ZNF407: variants seen among roughly 807,000 people sequenced by gnomAD.
ZNF407 encodes zinc finger protein 407.
In ZNF407, 17 loss-of-function variants were observed where a neutral mutation model predicts 131.2. The observed-to-expected ratio is 0.13, with a 90% confidence interval of 0.09 to 0.19. ZNF407 has a LOEUF of 0.19. Ranked by LOEUF, ZNF407 falls within the 10% of genes least tolerant of loss-of-function variation. The pLI is 1.00. For missense variants in ZNF407, 2,681 were observed against 2,830.6 expected (o/e 0.95, Z 1.20); for synonymous variants, 1,156 against 1,062.0 (o/e 1.09, Z -1.72).
chr18:74,749,717 ATG>A (rs1968754877), intron 3 of ZNF407, among the ~76,000 whole-genome samples: 1 of 152,212 alleles, frequency 6.6e-6, no homozygotes, highest in Non-Finnish European at 1.5e-5. Flanking sequence ...AAAATAATAT[ATG>A]TGTCTGTGAA....
intron 7 of ZNF407, among the ~76,000 whole-genome samples, chr18:74,918,962 C>G (rs1330581727): frequency 6.6e-6 from 1 of 152,122 alleles, no homozygotes; most frequent in East Asian, 1.9e-4. Context: ...AGGGAAGTAG[C>G]AGGAACTTTT....
At position 74,887,973 on chromosome 18, in the gene ZNF407, T is replaced by C. The variant is rs370060132; in HGVS notation, c.5129-1945T>C. ...TACAATTATGGGTAAGCAGTATAAA[T>C]AGACGTAGAATGTAGGGCGAACTTC... On this transcript the variant is annotated intron_variant, in intron 6 of 8. Transcript: ENST00000299687. Among the ~76,000 whole-genome samples the C allele has an allele frequency of 4.5e-4, 68 of 152,288 alleles. No homozygotes were observed. In the South Asian group the frequency reaches 0.013, roughly 30 times the overall value.
chr18:74,833,005 G>C (rs762421965), intron 4 of ZNF407, among the ~76,000 whole-genome samples: 5 of 152,198 alleles, frequency 3.3e-5, no homozygotes, highest in African/African-American at 4.8e-5. Flanking sequence ...CTACACTGGT[G>C]GTGTTCCATG....
At chr18:74,934,473 C>G (rs977847052) in intron 8 of ZNF407, among the ~76,000 whole-genome samples, 1 of 152,152 alleles carries the variant, frequency 6.6e-6, no homozygotes. Flanking sequence ...ACATCGCAAG[C>G]TAAATAAATC....
At chr18:74,661,276 T>C (rs1218567259) in intron 3 of ZNF407, among the ~76,000 whole-genome samples, 1 of 151,890 alleles carries the variant, frequency 6.6e-6, no homozygotes, top group African/African-American at 2.4e-5. Context: ...GTACACACAG[T>C]AAATTCTGTA....
chr18:74,963,614 A>G (rs1972374750), intron 8 of ZNF407, among the ~76,000 whole-genome samples: 1 of 152,182 alleles, frequency 6.6e-6, no homozygotes, highest in African/African-American at 2.4e-5. Context: ...TTATGCAGCA[A>G]TCTTAGAATT....
intron 3 of ZNF407, among the ~76,000 whole-genome samples, chr18:74,702,492 C>T (rs1160833355): frequency 6.6e-6 from 1 of 151,908 alleles, no homozygotes; most frequent in Non-Finnish European, 1.5e-5. Flanking sequence ...AGATATTTTA[C>T]TGATTCTTCT....
At chr18:74,920,800 A>G in intron 8 of ZNF407, 108 bp downstream of exon 8, 1 of 1,375,918 alleles carries the variant, frequency 7.3e-7, no homozygotes, top group Admixed American at 2.9e-5. Flanking sequence ...GGAGTAGAGT[A>G]TGTGATAGTA....
At position 75,006,034 on chromosome 18, in the gene ZNF407, G is replaced by A. The variant is rs148917902; in HGVS notation, c.5429-57116G>A. 1.7e-3 allele frequency among the ~76,000 whole-genome samples: 262 copies of A among 152,214 alleles called. 1 individual carries two copies. Among genetic ancestry groups the A allele is most frequent in the African/African-American group, 5.5e-3 (230 of 41,532 alleles). On this transcript the variant is annotated intron_variant, in intron 8 of 8. Transcript: ENST00000299687. ...AAAGTCCTGGATCCAAACAAACTGC[G>A]GTGAAATCAGACACTGAGAGAGGCA...
intron 8 of ZNF407, among the ~76,000 whole-genome samples, chr18:74,927,851 A>G (rs570704430): frequency 1.5e-4 from 23 of 152,352 alleles, no homozygotes; most frequent in African/African-American, 3.8e-4. Flanking sequence ...GTATTCATAC[A>G]TACATATTAG....
intron 3 of ZNF407, among the ~76,000 whole-genome samples, chr18:74,656,816 A>G (rs1469342222): frequency 3.9e-5 from 6 of 152,206 alleles, no homozygotes; most frequent in Non-Finnish European, 8.8e-5. Flanking sequence ...TTATACTTTG[A>G]TATTTATGTA....
chr18:74,960,696 G>T (rs1453803632), intron 8 of ZNF407, among the ~76,000 whole-genome samples: 19 of 126,156 alleles, frequency 1.5e-4, no homozygotes, highest in African/African-American at 2.8e-4. Flanking sequence ...AGTCAGTGCT[G>T]GGTGGAGGGA....
chr18:74,611,918 A>G (rs1983074812), intron 1 of ZNF407, among the ~76,000 whole-genome samples: 1 of 152,178 alleles, frequency 6.6e-6, no homozygotes, highest in Non-Finnish European at 1.5e-5. Flanking sequence ...ACTCATGCGC[A>G]TGAGTGCCTG....
chr18:74,969,332 A>G (rs775145099), intron 8 of ZNF407, among the ~76,000 whole-genome samples: 1 of 152,078 alleles, frequency 6.6e-6, no homozygotes, highest in Non-Finnish European at 1.5e-5. Context: ...GGTGATTTTC[A>G]TTGTATCCAG....
rs144374293 is a variant in ZNF407, at chr18:74,920,948, A to C, written c.5428+256A>C. The stretch of plus-strand genomic sequence containing the variant: ...TGATGACTGTAAAGTTAATAATAGT[A>C]AATATTTAAAGCATAGTTGACCTGA... On this transcript the variant is annotated intron_variant, in intron 8 of 8. Coordinates refer to ENST00000299687, the MANE Select transcript of ZNF407 (RefSeq NM_017757.3). 2.5e-5 allele frequency: 29 copies of C among 1,157,846 alleles called. No homozygotes were observed. In the East Asian group the frequency reaches 1.1e-3, roughly 44 times the overall value. The allele number at this position is 1,157,846 out of a possible 1,614,324, so 71.7% of individuals were successfully genotyped here. A position where few individuals can be genotyped will look rare whatever the true frequency, so the allele number is the denominator to read the frequency against.
At chr18:74,948,319 C>A (rs189053980) in intron 8 of ZNF407, among the ~76,000 whole-genome samples, 37 of 152,306 alleles carry the variant, frequency 2.4e-4, no homozygotes, top group African/African-American at 8.7e-4. Context: ...CTCGTTAATA[C>A]AAGTTGTCCA....
chr18:75,002,032 A>G (rs1972850999), intron 8 of ZNF407, among the ~76,000 whole-genome samples: 1 of 152,282 alleles, frequency 6.6e-6, no homozygotes, highest in Non-Finnish European at 1.5e-5. Flanking sequence ...GGGTCCAGAG[A>G]GCCCGGTCTC....
At chr18:75,019,181 A>G (rs528102800) in intron 8 of ZNF407, among the ~76,000 whole-genome samples, 1 of 152,290 alleles carries the variant, frequency 6.6e-6, no homozygotes, top group South Asian at 2.1e-4. Context: ...ATGTTTATGT[A>G]TTTTCTTTAT....
chr18:75,025,343 C>T (rs986131487), intron 8 of ZNF407, among the ~76,000 whole-genome samples: 1 of 152,198 alleles, frequency 6.6e-6, no homozygotes, highest in Non-Finnish European at 1.5e-5. Context: ...GACATTTGAG[C>T]ATTCATATAT....
Sources: allele counts gnomAD v4.1 joint callset (sites outside exome capture counted in the v4.1 genomes callset), GRCh38; gene constraint gnomAD v4.1.1; transcripts MANE v1.5; gene names NCBI Gene and HGNC (gene_info 2026-07-23, HGNC 2026-07-21).